Variants in PRTG observed in about 807,000 individuals in gnomAD.
The protein encoded by PRTG is protogenin.
PRTG carries 67 observed loss-of-function variants against 122.5 expected under a neutral mutation model. That is an observed-to-expected ratio of 0.55 (90% CI 0.45 to 0.67). The LOEUF is 0.67. Among genes scored for constraint, PRTG ranks in the 30% least tolerant of loss-of-function variants. The pLI is 0.00. For synonymous variants in PRTG, 554 were observed against 501.1 expected (o/e 1.11, Z -1.41); for missense variants, 1,435 against 1,415.4 (o/e 1.01, Z -0.22).
rs1273985711 is a variant in PRTG, at chr15:55,639,773, C to T, written c.2193G>A (p.Lys731=). The T allele has an allele frequency of 6.2e-7, 1 of 1,614,168 alleles. No individual in the cohort carries two copies. The highest frequency in any genetic ancestry group is 1.7e-5 in the Admixed American group (1 of 60,018). ...GGAAGATGGAAGATGAGGTGTTAGC[C>T]TTCGCATAGAGATGGTGGGGTGGTG... ...PPPPPHHLYA[K]ANTSSSIFLH... Residue 731 remains lysine (K), a synonymous_variant, in exon 13 of 20, where the codon AAG becomes AAA. Coordinates refer to ENST00000389286, the MANE Select transcript of PRTG (RefSeq NM_173814.6).
At chr15:55,737,976 TTCTC>T (rs376933626) in intron 2 of PRTG, among the ~76,000 whole-genome samples, 265 of 91,770 alleles carry the variant, frequency 2.9e-3, no homozygotes, top group African/African-American at 5.7e-3. Flanking sequence ...TTAATGCCTA[TTCTC>T]TCTCTCTCTC....
At chr15:55,626,844 G>C (rs1365076091) in intron 17 of PRTG, among the ~76,000 whole-genome samples, 164 bp downstream of exon 17, 1 of 152,132 alleles carries the variant, frequency 6.6e-6, no homozygotes, top group Non-Finnish European at 1.5e-5. Flanking sequence ...CCTCTAAAAT[G>C]AGCACATTTC....
Position 55,614,001 on chromosome 15 carries a change from G to A in PRTG, c.*6011C>T, listed in dbSNP as rs1032216275. 1 of 152,126 alleles carries A rather than the reference G, an allele frequency of 6.6e-6. No individual in the cohort carries two copies. 9.4% of individuals were successfully genotyped at this position (152,126 alleles called of 1,614,324 possible). A position where few individuals can be genotyped will look rare whatever the true frequency, so the allele number is the denominator to read the frequency against. ...GGCACACTGTAGATGCTCAACAAAT[G>A]GCATCATATTACTTCCTAGAGTCGG... On this transcript the variant is annotated 3_prime_UTR_variant, in exon 20 of 20. Coordinates refer to ENST00000389286, the MANE Select transcript of PRTG (RefSeq NM_173814.6).
chr15:55,631,027 C>A (rs922925054), intron 15 of PRTG, among the ~76,000 whole-genome samples: 3 of 152,192 alleles, frequency 2.0e-5, no homozygotes, highest in African/African-American at 7.2e-5. Context: ...CGGAGGCCAT[C>A]TCTGCAGGTC....
chr15:55,625,218 G>A (rs1034498502), intron 17 of PRTG, among the ~76,000 whole-genome samples: 4 of 152,250 alleles, frequency 2.6e-5, no homozygotes, highest in Admixed American at 2.6e-4. Flanking sequence ...TTCACTGAAT[G>A]CAAGTTACTG....
In PRTG at chr15:55,738,029, C is replaced by T. The variant is rs1444882420; in HGVS notation, c.397+2353G>A. 9.9e-5 allele frequency among the ~76,000 whole-genome samples: 12 copies of T among 120,896 alleles called. No individual in the cohort carries two copies. The South Asian group carries it at 1.1e-3, about 11-fold the overall frequency. The allele number at this position is 120,896 out of a possible 152,430, so 79.3% of individuals were successfully genotyped here. A position where few individuals can be genotyped will look rare whatever the true frequency, so the allele number is the denominator to read the frequency against. On this transcript the variant is annotated intron_variant, in intron 2 of 19. Coordinates refer to ENST00000389286, the MANE Select transcript of PRTG (RefSeq NM_173814.6). ...ATATATATATATATATATATATACACACACACACACACACACACACACCAC... is the reference window on the plus strand; with the variant it reads ...ATATATATATATATATATATATACATACACACACACACACACACACACCAC...
At chr15:55,736,817 C>T (rs2031427341) in intron 2 of PRTG, among the ~76,000 whole-genome samples, 1 of 152,140 alleles carries the variant, frequency 6.6e-6, no homozygotes, top group Admixed American at 6.6e-5. Context: ...TTCCCTCTAT[C>T]CTAAGACTTC....
intron 1 of PRTG, 59 bp from the exon 2 acceptor site, chr15:55,740,743 T>TA: frequency 7.1e-7 from 1 of 1,409,436 alleles, no homozygotes; most frequent in East Asian, 2.3e-5. Context: ...AATGATTCCT[T>TA]AACACACAAC....
intron 2 of PRTG, among the ~76,000 whole-genome samples, chr15:55,689,631 T>TCAA (rs2059589322): frequency 3.7e-5 from 1 of 27,282 alleles, no homozygotes; most frequent in Non-Finnish European, 1.3e-4. Context: ...AGAACTTAAA[T>TCAA]TAAAAAAAAA....
At chr15:55,649,591 C>A (rs1057235191) in intron 11 of PRTG, among the ~76,000 whole-genome samples, 1 of 151,978 alleles carries the variant, frequency 6.6e-6, no homozygotes, top group Non-Finnish European at 1.5e-5. Flanking sequence ...TAGAGACCAG[C>A]CTAGCTAACA....
intron 15 of PRTG, among the ~76,000 whole-genome samples, chr15:55,630,218 C>A (rs972507032): frequency 6.6e-6 from 1 of 152,114 alleles, no homozygotes; most frequent in African/African-American, 2.4e-5. Context: ...GATCTCCTGC[C>A]CTCGTGATCT....
intron 2 of PRTG, among the ~76,000 whole-genome samples, chr15:55,716,321 CTTT>C (rs536546772): frequency 6.6e-5 from 10 of 152,166 alleles, no homozygotes; most frequent in African/African-American, 2.4e-4. Context: ...AATAATTTCA[CTTT>C]TTATTTTAAC....
At chr15:55,677,514 G>GT (rs1390529967) in intron 8 of PRTG, among the ~76,000 whole-genome samples, 25 of 152,082 alleles carry the variant, frequency 1.6e-4, no homozygotes, top group South Asian at 2.1e-4. Flanking sequence ...AATGAAATTC[G>GT]TAAGTACACC....
At chr15:55,680,832 C>T (rs1042568006) in intron 4 of PRTG, among the ~76,000 whole-genome samples, 1 of 151,892 alleles carries the variant, frequency 6.6e-6, no homozygotes, top group Non-Finnish European at 1.5e-5. Context: ...CAACTATTAC[C>T]ACAATTAATT....
chr15:55,639,864 A>G (rs766059231), intron 12 of PRTG, 36 bp from the exon 13 acceptor site: 10 of 1,605,814 alleles, frequency 6.2e-6, no homozygotes, highest in South Asian at 5.5e-5. Flanking sequence ...ACGATACGAC[A>G]TAACATTTTA....
intron 2 of PRTG, among the ~76,000 whole-genome samples, chr15:55,716,841 ATGTACATATATATATGTACACG>A (rs545945841): frequency 1.6e-3 from 239 of 152,334 alleles, no homozygotes; most frequent in Non-Finnish European, 9.4e-4. Flanking sequence ...ATACATGTGT[ATGTACATATATATATGTACACG>A]TGTACATATC....
rs147130241 is a variant in PRTG at position 55,698,520 on chromosome 15, A to G, written c.398-14589T>C. 7.8e-4 allele frequency among the ~76,000 whole-genome samples: 119 copies of G among 152,168 alleles called. 2 individuals are homozygous for G. The East Asian group carries it at 0.022, about 29-fold the overall frequency. ...TGCCCAGGCTGGTCTCCAACTTGTGAGATCATGCAATCCTCCTGCCTCAGC... is the reference window on the plus strand; with the variant it reads ...TGCCCAGGCTGGTCTCCAACTTGTGGGATCATGCAATCCTCCTGCCTCAGC... On this transcript the variant is annotated intron_variant, in intron 2 of 19. Coordinates refer to ENST00000389286, the MANE Select transcript of PRTG (RefSeq NM_173814.6).
intron 11 of PRTG, among the ~76,000 whole-genome samples, chr15:55,645,197 A>G (rs2059313775): frequency 2.0e-5 from 3 of 151,632 alleles, no homozygotes; most frequent in South Asian, 4.2e-4. Flanking sequence ...GCACTTTGGG[A>G]GGCCGAGACG....
intron 2 of PRTG, chr15:55,702,980 C>G (rs1259237315): frequency 1.1e-6 from 1 of 948,722 alleles, no homozygotes; most frequent in Non-Finnish European, 1.3e-6. Context: ...CTTGGGAATT[C>G]TCATAATATT....
Sources: allele counts gnomAD v4.1 joint callset (sites outside exome capture counted in the v4.1 genomes callset), GRCh38; gene constraint gnomAD v4.1.1; transcripts MANE v1.5; gene names NCBI Gene and HGNC (gene_info 2026-07-23, HGNC 2026-07-21).